The following TMEM59L variants were observed in gnomAD, a reference collection of about 807,000 sequenced individuals.
TMEM59L encodes transmembrane protein 59 like.
A neutral mutation model predicts 39.6 loss-of-function variants in TMEM59L; 31 were observed. The observed-to-expected ratio is 0.78, with a 90% CI of 0.59 to 1.06. The LOEUF (loss-of-function observed/expected upper bound fraction) is 1.06. Ranked by LOEUF, TMEM59L falls within the 50% of genes least tolerant of loss-of-function variation. TMEM59L has a pLI of 0.00. For synonymous variants in TMEM59L, 219 were observed against 202.9 expected, an observed-to-expected ratio of 1.08 and a Z score of -0.68; for missense variants, 441 against 451.3, an observed-to-expected ratio of 0.98 and a Z score of 0.21.
At chr19:18,615,851 G>C in intron 3 of TMEM59L, 124 bp from the exon 4 acceptor site, 1 of 1,237,568 alleles carries the variant, frequency 8.1e-7, no homozygotes, top group South Asian at 1.5e-5. Context: ...CAAGTGATCG[G>C]CCTGCCTCAG....
At position 18,618,454 on chromosome 19, in the gene TMEM59L, A is replaced by G; in HGVS notation, c.862A>G (p.Thr288Ala). 6.2e-7 allele frequency: 1 copy of G among 1,606,234 alleles called. No individual in the cohort carries two copies. Among genetic ancestry groups the G allele is most frequent in the Non-Finnish European group, 8.5e-7 (1 of 1,178,500 alleles). The stretch of plus-strand genomic sequence containing the variant: ...GGTGATGCTGTGGCTGAGCTGCTCC[A>G]CCCTGGTGACCGCGCCTGGCCAGCA... ...VLVMLWLSCSTLVTAPGQHLK... is the reference protein window; with the variant it reads ...VLVMLWLSCSALVTAPGQHLK... Residue 288 changes from threonine to alanine, a missense_variant, in exon 7 of 8, where the codon ACC (threonine) becomes GCC (alanine). Thr to Ala is a moderately conservative substitution (Grantham distance 58). Coordinates refer to ENST00000262817, the MANE Select transcript of TMEM59L (RefSeq NM_012109.3).
At chr19:18,614,556 G>T (rs1287348379) in intron 3 of TMEM59L, among the ~76,000 whole-genome samples, 1 of 152,196 alleles carries the variant, frequency 6.6e-6, no homozygotes, top group Non-Finnish European at 1.5e-5. Flanking sequence ...TCATACACAG[G>T]GCTGTGCAAG....
Position 18,613,045 on chromosome 19 carries a change from C to G in TMEM59L, c.87C>G (p.Arg29=). ...CCGCCGCCTCCGCGCCGTCCGCCCG[C>G]GATCCCTTCGCCCCCCAGCTCGGGG... is the stretch of plus-strand genomic sequence containing the variant. ...SPPAASAPSA[R]DPFAPQLGDT... is the part of the protein sequence containing the mutation. The change falls in exon 1 of 8, where the codon CGC becomes CGG. Residue 29 remains arginine, a synonymous_variant. Transcript: ENST00000262817. The G allele has an allele frequency of 7.2e-7, 1 of 1,392,688 alleles. No individual in the cohort carries two copies. Among genetic ancestry groups the G allele is most frequent in the Non-Finnish European group, 9.3e-7 (1 of 1,075,528 alleles). 86.3% of individuals were successfully genotyped at this position (1,392,688 alleles called of 1,614,324 possible). A position where few individuals can be genotyped will look rare whatever the true frequency, so the allele number is the denominator to read the frequency against.
In TMEM59L at chr19:18,615,856, C is replaced by CCT. The variant is rs2145348631; in HGVS notation, c.409-117_409-116dup. On this transcript the variant is annotated intron_variant, in intron 3 of 7. Coordinates refer to ENST00000262817, the MANE Select transcript of TMEM59L (RefSeq NM_012109.3). The stretch of plus-strand genomic sequence containing the variant: ...CTTCTGGCCTCAAGTGATCGGCCTG[C>CCT]CTCAGCCTTCCAAAGTGTTGGGATT... 3.1e-6 allele frequency: 4 copies of CCT among 1,299,706 alleles called. No individual in the cohort carries two copies. The South Asian group carries it at 5.8e-5, about 19-fold the overall frequency. 80.5% of individuals were successfully genotyped at this position (1,299,706 alleles called of 1,614,324 possible).
chr19:18,614,045 C>T (rs1411698234), intron 2 of TMEM59L, 29 bp downstream of exon 2: 14 of 1,612,852 alleles, frequency 8.7e-6, no homozygotes, highest in Non-Finnish European at 1.1e-5. Context: ...GGTGGGCCAG[C>T]GTGGGGAGAG....
chr19:18,617,145 C>CA, intron 5 of TMEM59L, 43 bp downstream of exon 5: 2 of 1,495,154 alleles, frequency 1.3e-6, no homozygotes, highest in Non-Finnish European at 1.9e-6. Context: ...TGGGTGGCCC[C>CA]ACTGCCACAA....
intron 3 of TMEM59L, 101 bp from the exon 4 acceptor site, chr19:18,615,874 T>C (rs1294616962): frequency 2.1e-5 from 31 of 1,441,878 alleles, no homozygotes; most frequent in Admixed American, 1.4e-4. Flanking sequence ...TTCCAAAGTG[T>C]TGGGATTACA....
At chr19:18,618,741 C>G (rs1348497890) in intron 7 of TMEM59L, among the ~76,000 whole-genome samples, 1 of 146,822 alleles carries the variant, frequency 6.8e-6, no homozygotes, top group Non-Finnish European at 1.5e-5. Context: ...GTCACCTGGG[C>G]TGGAGTGCAA....
Position 18,614,279 on chromosome 19 carries a change from G to GA in TMEM59L, c.408+85dup. On this transcript the variant is annotated intron_variant, in intron 3 of 7. Coordinates refer to ENST00000262817, the MANE Select transcript of TMEM59L (RefSeq NM_012109.3). ...CGTGGGAAATCTTCATTCACGTGCA[G>GA]AGGCTCTGCCAGACTCTGCGTTCTA... The GA allele has an allele frequency of 2.8e-6, 4 of 1,454,448 alleles. No individual in the cohort carries two copies. In the Admixed American group the frequency reaches 7.9e-5, roughly 29 times the overall value. 90.1% of individuals were successfully genotyped at this position (1,454,448 alleles called of 1,614,324 possible).
At chr19:18,613,691 C>G (rs1013297221) in intron 1 of TMEM59L, among the ~76,000 whole-genome samples, 181 bp from the exon 2 acceptor site, 1 of 152,182 alleles carries the variant, frequency 6.6e-6, no homozygotes, top group African/African-American at 2.4e-5. Context: ...CCCTCCCCAT[C>G]TCCCTCCTCA....
At chr19:18,616,750 G>T (rs1384512746) in intron 4 of TMEM59L, among the ~76,000 whole-genome samples, 1 of 152,178 alleles carries the variant, frequency 6.6e-6, no homozygotes, top group Non-Finnish European at 1.5e-5. Flanking sequence ...TGGATCATAT[G>T]ACCATCTCTC....
At chr19:18,614,274 G>A in intron 3 of TMEM59L, 79 bp downstream of exon 3, 3 of 1,464,314 alleles carry the variant, frequency 2.0e-6, no homozygotes, top group African/African-American at 1.4e-5. Context: ...CTTCATTCAC[G>A]TGCAGAGGCT....
At chr19:18,619,803 CAAAAA>C (rs1157288604) in intron 7 of TMEM59L, among the ~76,000 whole-genome samples, 1 of 78,986 alleles carries the variant, frequency 1.3e-5, no homozygotes, top group Non-Finnish European at 2.6e-5. Flanking sequence ...GACTCCATCT[CAAAAA>C]AAAAAAAAAG....
Position 18,614,208 on chromosome 19 carries a change from C to G in TMEM59L, c.408+13C>G. On this transcript the variant is annotated intron_variant, in intron 3 of 7. Coordinates refer to ENST00000262817, the MANE Select transcript of TMEM59L (RefSeq NM_012109.3). ...GCCGGAGCAGAAGGTGGGCCTCCCA[C>G]TGCGGCCTGGGGTCCCTTTTCCCAA... The G allele has an allele frequency of 6.3e-7, 1 of 1,579,082 alleles. No homozygotes were observed. Among genetic ancestry groups the G allele is most frequent in the Non-Finnish European group, 8.6e-7 (1 of 1,165,678 alleles).
intron 7 of TMEM59L, among the ~76,000 whole-genome samples, chr19:18,618,926 C>T (rs2145351514): frequency 6.6e-6 from 1 of 151,836 alleles, no homozygotes; most frequent in Admixed American, 6.6e-5. Flanking sequence ...AACTCCTGAC[C>T]TCAGGTGATC....
chr19:18,614,261 A>C, intron 3 of TMEM59L, 66 bp downstream of exon 3: 1 of 1,506,570 alleles, frequency 6.6e-7, no homozygotes, highest in Non-Finnish European at 8.9e-7. Flanking sequence ...CCCCGTGGGA[A>C]ATCTTCATTC....
intron 5 of TMEM59L, chr19:18,617,847 T>A (rs577103890): frequency 1.0e-4 from 44 of 436,686 alleles, no homozygotes; most frequent in Non-Finnish European, 1.7e-4. Context: ...CAGGGTTCCA[T>A]GGGTTCATCT....
At chr19:18,617,373 G>A (rs867857581) in intron 5 of TMEM59L, 11 of 560,744 alleles carry the variant, frequency 2.0e-5, no homozygotes, top group African/African-American at 7.6e-5. Flanking sequence ...CCAGGGATCC[G>A]TGGTCCACCT....
rs1976466280 is a variant in TMEM59L, at chr19:18,619,115, C to T, written c.900+623C>T. Among the ~76,000 whole-genome samples, 3 of 152,138 alleles carry T rather than the reference C, an allele frequency of 2.0e-5. No individual in the cohort carries two copies. In the South Asian group the frequency reaches 6.2e-4, roughly 31 times the overall value. The stretch of plus-strand genomic sequence containing the variant: ...CAAGCAATCCTCCTGCCTCAGCCTC[C>T]TGAGTAGCTGGGACCACAGTCACGT... On this transcript the variant is annotated intron_variant, in intron 7 of 7. Transcript: ENST00000262817.
Sources: gnomAD v4.1 joint callset for allele counts (sites outside exome capture counted in the v4.1 genomes callset) on GRCh38, gnomAD v4.1.1 for gene constraint, MANE v1.5 for transcripts, NCBI Gene and HGNC (gene_info 2026-07-23, HGNC 2026-07-21) for gene names.